The following MACROD1 variants were observed in gnomAD, a reference collection of about 807,000 sequenced individuals.
MACROD1 encodes ADP-ribose glycohydrolase MACROD1.
MACROD1 carries 31 observed loss-of-function variants against 41.4 expected under a neutral mutation model. The ratio of observed to expected loss-of-function variants is 0.75; its 90% confidence interval spans 0.56 to 1.01. The LOEUF (loss-of-function observed/expected upper bound fraction) is 1.01. MACROD1 is among the 50% of genes least tolerant of loss of function. The pLI, the probability that MACROD1 is intolerant of heterozygous loss-of-function variation, is 0.00. For missense variants in MACROD1, 473 were observed against 460.0 expected (o/e 1.03, Z -0.26); for synonymous variants, 252 against 203.4 (o/e 1.24, Z -2.03).
rs570251024 is a variant in MACROD1, at chr11:64,151,947, G to A, written c.400+345C>T. Among the ~76,000 whole-genome samples the A allele has an allele frequency of 8.2e-4, 125 of 152,222 alleles. 4 individuals are homozygous for A. In the South Asian group the frequency reaches 0.023, roughly 28 times the overall value. ...AGTTCGAGACCAGCCTGGCCAATAT[G>A]GTGAAACCCCATCTCTACTAAAAAT... On this transcript the variant is annotated intron_variant, in intron 2 of 10. Transcript: ENST00000255681.
chr11:64,059,761 G>C (rs1943861284), intron 3 of MACROD1, among the ~76,000 whole-genome samples: 1 of 152,226 alleles, frequency 6.6e-6, no homozygotes, highest in Non-Finnish European at 1.5e-5. Context: ...CTCTGAGTCC[G>C]GGTCTATTCC....
At chr11:64,094,246 C>T (rs748573211) in intron 3 of MACROD1, among the ~76,000 whole-genome samples, 16 of 152,102 alleles carry the variant, frequency 1.1e-4, no homozygotes, top group East Asian at 3.9e-4. Flanking sequence ...ACCTGGAAGA[C>T]GGTAAAACCA....
rs548941198 is a variant in MACROD1 at position 64,138,184 on chromosome 11, C to T, written c.517+13055G>A. Among the ~76,000 whole-genome samples, 410 of 152,312 alleles carry T rather than the reference C, an allele frequency of 2.7e-3. 2 individuals carry two copies. Among genetic ancestry groups the T allele is most frequent in the African/African-American group, 9.3e-3 (387 of 41,560 alleles). Reference sequence around the variant, plus strand: ...GACTTGAACCCAGCCCTGTCCCATGCGCACCGGAAGGCTCCTGCCTCCTTG... The same window carrying T: ...GACTTGAACCCAGCCCTGTCCCATGTGCACCGGAAGGCTCCTGCCTCCTTG... On this transcript the variant is annotated intron_variant, in intron 3 of 10. Coordinates refer to ENST00000255681, the MANE Select transcript of MACROD1 (RefSeq NM_014067.4).
intron 3 of MACROD1, among the ~76,000 whole-genome samples, chr11:64,085,915 C>T (rs1944385652): frequency 1.3e-5 from 2 of 152,282 alleles, no homozygotes; most frequent in East Asian, 1.9e-4. Context: ...CCACCCCACC[C>T]CCACAGAAGG....
intron 5 of MACROD1, 73 bp downstream of exon 5, chr11:64,000,154 G>T: frequency 8.0e-7 from 1 of 1,245,650 alleles, no homozygotes; most frequent in Non-Finnish European, 1.1e-6. Context: ...TGTGGGGGCC[G>T]CACCCCTGAT....
At position 64,146,047 on chromosome 11, in the gene MACROD1, G is replaced by A. The variant is rs891684303; in HGVS notation, c.517+5192C>T. Among the ~76,000 whole-genome samples, 4 of 152,116 alleles carry A rather than the reference G, an allele frequency of 2.6e-5. No individual in the cohort carries two copies. Among genetic ancestry groups the A allele is most frequent in the Admixed American group, 2.0e-4 (3 of 15,282 alleles). On this transcript the variant is annotated intron_variant, in intron 3 of 10. Transcript: ENST00000255681. The surrounding 1 kb of genome is among the most constrained non-coding windows in gnomAD (Gnocchi z 4.7). ...GGCCTCCCAAAGTGCTAGGATAACAGGCGTGAGCCACCGTGCCTGGCCAAG... is the reference window on the plus strand; with the variant it reads ...GGCCTCCCAAAGTGCTAGGATAACAAGCGTGAGCCACCGTGCCTGGCCAAG...
chr11:64,119,385 C>T (rs1400313425), intron 3 of MACROD1, among the ~76,000 whole-genome samples: 1 of 152,192 alleles, frequency 6.6e-6, no homozygotes, highest in African/African-American at 2.4e-5. Flanking sequence ...CTTTCTGATA[C>T]AGATAAAAGC....
intron 3 of MACROD1, chr11:64,148,816 C>A: frequency 1.0e-6 from 1 of 985,766 alleles, no homozygotes; most frequent in Non-Finnish European, 1.2e-6. Flanking sequence ...GCAATCTCTG[C>A]TGCCCCCTGG....
chr11:64,009,446 G>A (rs796557998), intron 4 of MACROD1, among the ~76,000 whole-genome samples: 39 of 152,238 alleles, frequency 2.6e-4, no homozygotes, highest in African/African-American at 8.9e-4. Flanking sequence ...TTTAGCCTTC[G>A]GGACCCAAGT....
chr11:64,164,803 A>T (rs1945812138), intron 1 of MACROD1, among the ~76,000 whole-genome samples: 1 of 149,710 alleles, frequency 6.7e-6, no homozygotes, highest in Non-Finnish European at 1.5e-5. Context: ...TTGAAAGGGG[A>T]TCCAGCCGGG....
At chr11:64,092,476 G>A (rs1944507035) in intron 3 of MACROD1, among the ~76,000 whole-genome samples, 1 of 152,226 alleles carries the variant, frequency 6.6e-6, no homozygotes, top group African/African-American at 2.4e-5. Context: ...GGTTGAGGTT[G>A]GGTGTGGCCA....
At chr11:64,085,987 G>A (rs1380493635) in intron 3 of MACROD1, among the ~76,000 whole-genome samples, 1 of 140,398 alleles carries the variant, frequency 7.1e-6, no homozygotes, top group Non-Finnish European at 1.6e-5. Flanking sequence ...TAGTGGGCTT[G>A]CAGCCTCAAA....
chr11:64,108,254 G>A (rs1279168086), intron 3 of MACROD1, among the ~76,000 whole-genome samples: 3 of 151,718 alleles, frequency 2.0e-5, no homozygotes, highest in Admixed American at 6.6e-5. Context: ...CAGAGGTTGC[G>A]GTGAGCCAAG....
chr11:64,000,474 C>T (rs1488867233), intron 4 of MACROD1, 131 bp from the exon 5 acceptor site: 5 of 514,012 alleles, frequency 9.7e-6, no homozygotes, highest in Non-Finnish European at 1.3e-5. Context: ...CCGTGGCCTC[C>T]GGCCGCGGCC....
chr11:64,016,026 G>A (rs1943076906), intron 3 of MACROD1, among the ~76,000 whole-genome samples: 2 of 152,214 alleles, frequency 1.3e-5, no homozygotes, highest in South Asian at 4.1e-4. Context: ...CCTCAACTCT[G>A]AGCCCCGCTG....
chr11:64,039,879 G>A (rs191249390), intron 3 of MACROD1, among the ~76,000 whole-genome samples: 1 of 152,168 alleles, frequency 6.6e-6, no homozygotes. Context: ...TAGTGAGGGT[G>A]GGGGAGAGGA....
intron 3 of MACROD1, chr11:64,060,392 G>C (rs571541218): frequency 2.6e-5 from 4 of 152,390 alleles, no homozygotes; most frequent in Admixed American, 2.6e-4. Flanking sequence ...GAAGGCCTCG[G>C]ATTGGTTGTG....
At chr11:64,121,816 G>A (rs1483767718) in intron 3 of MACROD1, among the ~76,000 whole-genome samples, 1 of 152,176 alleles carries the variant, frequency 6.6e-6, no homozygotes, top group Non-Finnish European at 1.5e-5. Flanking sequence ...CAGCACTGAT[G>A]AGTACGTTTT....
chr11:64,165,655 G>C, intron 1 of MACROD1, 42 bp downstream of exon 1: 1 of 1,346,232 alleles, frequency 7.4e-7, no homozygotes, highest in South Asian at 2.0e-5. Flanking sequence ...AGCTCCACGT[G>C]AGGCCGCCCT....
Sources: gnomAD v4.1 joint callset for allele counts (sites outside exome capture counted in the v4.1 genomes callset) on GRCh38, gnomAD v4.1.1 for gene constraint, Gnocchi (gnomAD v3.1) non-coding constraint, MANE v1.5 for transcripts, NCBI Gene and HGNC (gene_info 2026-07-23, HGNC 2026-07-21) for gene names.